Variants in TAFA4 observed in about 807,000 individuals in gnomAD.
TAFA4 encodes chemokine-like protein TAFA-4.
In TAFA4, 20 loss-of-function variants were observed where a neutral mutation model predicts 21.1. That is an observed-to-expected ratio of 0.95 (90% CI 0.67 to 1.38). The LOEUF (loss-of-function observed/expected upper bound fraction) is 1.38, where lower values mean the gene tolerates loss of function less well. Among genes scored for constraint, TAFA4 ranks in the 40% most tolerant of loss-of-function variants. The pLI, the probability that TAFA4 is intolerant of heterozygous loss-of-function variation, is 0.00. For missense variants in TAFA4, 211 were observed against 180.9 expected (o/e 1.17, Z -0.95); for synonymous variants, 71 against 67.4 (o/e 1.05, Z -0.26).
intron 3 of TAFA4, among the ~76,000 whole-genome samples, chr3:68,858,674 C>G (rs905114052): frequency 2.0e-5 from 3 of 151,420 alleles, no homozygotes; most frequent in Non-Finnish European, 4.4e-5. Flanking sequence ...TGTAGGTACA[C>G]TGTTGTCCCC....
intron 3 of TAFA4, among the ~76,000 whole-genome samples, chr3:68,778,446 A>T (rs1171249475): frequency 1.3e-5 from 2 of 152,228 alleles, no homozygotes; most frequent in Admixed American, 1.3e-4. Context: ...GCACGCAATT[A>T]CAGTTGGAGA....
intron 3 of TAFA4, among the ~76,000 whole-genome samples, chr3:68,837,551 G>A (rs1325713293): frequency 6.6e-6 from 1 of 152,072 alleles, no homozygotes; most frequent in Non-Finnish European, 1.5e-5. Flanking sequence ...ATAAACTCCT[G>A]GCACCCGCCC....
intron 3 of TAFA4, among the ~76,000 whole-genome samples, chr3:68,761,818 G>A (rs1702759501): frequency 1.3e-5 from 2 of 152,212 alleles, no homozygotes; most frequent in African/African-American, 4.8e-5. Context: ...CAATGTGGTA[G>A]CAGTGGAGGT....
chr3:68,913,055 C>T (rs13314980), intron 1 of TAFA4, among the ~76,000 whole-genome samples: 4,466 of 152,190 alleles, frequency 0.029, 223 homozygotes, highest in African/African-American at 0.1. Flanking sequence ...TTAGGAAATG[C>T]CTGTCCTAGA....
At chr3:68,791,417 G>A (rs894841601) in intron 3 of TAFA4, among the ~76,000 whole-genome samples, 3 of 152,070 alleles carry the variant, frequency 2.0e-5, no homozygotes, top group Non-Finnish European at 2.9e-5. Context: ...GCTGGAAGAC[G>A]CAAAAAGGAT....
chr3:68,930,481 C>A (rs897154034), intron 1 of TAFA4, among the ~76,000 whole-genome samples: 2 of 152,122 alleles, frequency 1.3e-5, no homozygotes, highest in Non-Finnish European at 2.9e-5. Flanking sequence ...TGTCAAAGGG[C>A]AGTTAAGATG....
intron 1 of TAFA4, among the ~76,000 whole-genome samples, chr3:68,899,707 T>G (rs924289191): frequency 8.6e-5 from 13 of 151,970 alleles, no homozygotes; most frequent in African/African-American, 3.1e-4. Flanking sequence ...ATCCCATAAC[T>G]CCAACACACA....
intron 3 of TAFA4, among the ~76,000 whole-genome samples, chr3:68,835,656 C>A (rs1704506595): frequency 6.6e-6 from 1 of 152,202 alleles, no homozygotes; most frequent in Non-Finnish European, 1.5e-5. Context: ...ATGTGGCTGT[C>A]TAACATGCAT....
intron 3 of TAFA4, among the ~76,000 whole-genome samples, chr3:68,869,295 T>C (rs2089455055): frequency 6.6e-6 from 1 of 151,994 alleles, no homozygotes; most frequent in South Asian, 2.1e-4. Context: ...GAACTACTTA[T>C]AACACCAATT....
intron 1 of TAFA4, among the ~76,000 whole-genome samples, chr3:68,893,083 T>C (rs1490399315): frequency 2.6e-5 from 4 of 152,208 alleles, no homozygotes. Context: ...TTATTTCTTT[T>C]AATTGGACCA....
intron 3 of TAFA4, among the ~76,000 whole-genome samples, chr3:68,805,511 T>C (rs1703675557): frequency 6.6e-6 from 1 of 152,180 alleles, no homozygotes; most frequent in African/African-American, 2.4e-5. Context: ...CACACGTATG[T>C]TTATTGCGGC....
At chr3:68,821,292 T>G (rs1704109540) in intron 3 of TAFA4, among the ~76,000 whole-genome samples, 1 of 151,010 alleles carries the variant, frequency 6.6e-6, no homozygotes, top group African/African-American at 2.4e-5. Flanking sequence ...ATATGATGGC[T>G]GTAGATTTAT....
chr3:68,820,832 T>C (rs1027725831), intron 3 of TAFA4, among the ~76,000 whole-genome samples: 1 of 152,238 alleles, frequency 6.6e-6, no homozygotes, highest in Non-Finnish European at 1.5e-5. Context: ...CTATGACTTT[T>C]ACTTGTCAAT....
chr3:68,748,799 C>T (rs1702508945), intron 4 of TAFA4, among the ~76,000 whole-genome samples: 1 of 151,162 alleles, frequency 6.6e-6, no homozygotes, highest in Non-Finnish European at 1.5e-5. Context: ...TTTTAAATAG[C>T]TTTGAAAAGT....
chr3:68,821,910 T>A (rs1302438950), intron 3 of TAFA4, among the ~76,000 whole-genome samples: 1 of 152,214 alleles, frequency 6.6e-6, no homozygotes, highest in Non-Finnish European at 1.5e-5. Flanking sequence ...AATCCATCAC[T>A]TAAAAAGGTA....
intron 3 of TAFA4, among the ~76,000 whole-genome samples, chr3:68,814,782 A>G (rs1703927457): frequency 1.3e-5 from 2 of 152,138 alleles, no homozygotes; most frequent in Admixed American, 6.5e-5. Context: ...CAAGCTACCA[A>G]TGACTTTCTT....
chr3:68,880,482 G>A (rs1034604661), intron 3 of TAFA4, among the ~76,000 whole-genome samples: 2 of 151,962 alleles, frequency 1.3e-5, no homozygotes, highest in Non-Finnish European at 2.9e-5. Context: ...GATTCCTTGA[G>A]AAAAACTGCT....
intron 3 of TAFA4, among the ~76,000 whole-genome samples, chr3:68,843,344 T>A (rs1045573471): frequency 6.6e-6 from 1 of 152,212 alleles, no homozygotes; most frequent in East Asian, 1.9e-4. Context: ...TATTGGTGTA[T>A]AGTAATGCCT....
chr3:68,777,372 G>C (rs1266681064), intron 3 of TAFA4, among the ~76,000 whole-genome samples: 3 of 152,034 alleles, frequency 2.0e-5, no homozygotes, highest in Non-Finnish European at 2.9e-5. Context: ...AGATAAAAAT[G>C]TGCCATATTT....
Sources: gnomAD v4.1 joint callset for allele counts (sites outside exome capture counted in the v4.1 genomes callset) on GRCh38, gnomAD v4.1.1 for gene constraint, MANE v1.5 for transcripts, NCBI Gene and HGNC (gene_info 2026-07-23, HGNC 2026-07-21) for gene names.